Variants in GALNTL5 observed in about 807,000 individuals in gnomAD.
GALNTL5 encodes the protein polypeptide N-acetylgalactosaminyltransferase like 5, also known as inactive polypeptide N-acetylgalactosaminyltransferase-like protein 5.
In GALNTL5, 44 loss-of-function variants were observed where a neutral mutation model predicts 51.0. The ratio of observed to expected loss-of-function variants is 0.86; its 90% CI spans 0.68 to 1.11. The LOEUF (loss-of-function observed/expected upper bound fraction) is 1.11. Ranked by LOEUF, GALNTL5 falls within the 50% of genes least tolerant of loss-of-function variation. The probability of loss-of-function intolerance (pLI) is 0.00; values close to 1 mark genes in which losing one functional copy is unlikely to be tolerated. For missense variants in GALNTL5, 528 were observed against 531.8 expected (o/e 0.99, Z 0.07); for synonymous variants, 192 against 182.8 (o/e 1.05, Z -0.41).
chr7:152,004,189 A>C (rs1255052152), intron 6 of GALNTL5, among the ~76,000 whole-genome samples: 1 of 151,922 alleles, frequency 6.6e-6, no homozygotes, highest in African/African-American at 2.4e-5. Flanking sequence ...GGACTATCAC[A>C]TAATCATTAA....
At chr7:152,010,072 C>T (rs1460626103) in intron 7 of GALNTL5, among the ~76,000 whole-genome samples, 1 of 152,056 alleles carries the variant, frequency 6.6e-6, no homozygotes, top group Admixed American at 6.6e-5. Flanking sequence ...GTATGAAGCA[C>T]TGTGCTGGGT....
At chr7:152,017,049 A>G (rs960448083) in intron 8 of GALNTL5, among the ~76,000 whole-genome samples, 14 of 151,948 alleles carry the variant, frequency 9.2e-5, no homozygotes, top group Admixed American at 7.2e-4. Flanking sequence ...AAAAAAAAAA[A>G]AAAGAAAAGA....
rs965048569 is a variant in GALNTL5 at position 152,014,648 on chromosome 7, G to C, written c.1031G>C (p.Trp344Ser). 1.9e-6 allele frequency: 3 copies of C among 1,602,240 alleles called. No homozygotes were observed. Among genetic ancestry groups the C allele is most frequent in the Non-Finnish European group, 2.6e-6 (3 of 1,176,318 alleles). ...TTTTGTTCTTCTTATGCCTAGATCT[G>C]GATGTGTGGAGGCCAACTCTTTATA... Reference protein sequence around the residue: ...RENLELSLRIWMCGGQLFIIP... With the variant: ...RENLELSLRISMCGGQLFIIP... Residue 344 changes from tryptophan (W) to serine (S), a missense_variant, in exon 8 of 9, where the codon TGG (tryptophan) becomes TCG (serine). Coordinates refer to ENST00000392800, the MANE Select transcript of GALNTL5 (RefSeq NM_145292.4).
intron 3 of GALNTL5, among the ~76,000 whole-genome samples, chr7:151,972,185 T>G (rs1457713050): frequency 6.6e-6 from 1 of 152,230 alleles, no homozygotes; most frequent in Non-Finnish European, 1.5e-5. Context: ...GTAAAAATGC[T>G]GATAGTGATA....
chr7:152,012,536 A>G (rs1586855408), intron 7 of GALNTL5, among the ~76,000 whole-genome samples: 1 of 152,334 alleles, frequency 6.6e-6, no homozygotes, highest in East Asian at 1.9e-4. Flanking sequence ...CTACCATTTG[A>G]CCCAGCAATC....
At chr7:152,015,417 T>TGGC (rs2081796601) in intron 8 of GALNTL5, among the ~76,000 whole-genome samples, 1 of 150,138 alleles carries the variant, frequency 6.7e-6, no homozygotes, top group Non-Finnish European at 1.5e-5. Context: ...TGGAGTGCAG[T>TGGC]GGCGCGATCT....
chr7:151,987,482 G>A (rs183320576), intron 5 of GALNTL5, among the ~76,000 whole-genome samples: 38 of 152,262 alleles, frequency 2.5e-4, no homozygotes, highest in African/African-American at 8.7e-4. Flanking sequence ...GCTATTTTGG[G>A]TTGAAGATAT....
intron 1 of GALNTL5, among the ~76,000 whole-genome samples, chr7:151,966,323 A>G (rs1187305481): frequency 6.6e-6 from 1 of 150,402 alleles, no homozygotes; most frequent in Non-Finnish European, 1.5e-5. Context: ...GCTGGAGTGC[A>G]GTGGTGCGAT....
At chr7:151,979,349 C>T (rs1478894966) in intron 3 of GALNTL5, among the ~76,000 whole-genome samples, 2 of 149,826 alleles carry the variant, frequency 1.3e-5, no homozygotes, top group South Asian at 2.1e-4. Flanking sequence ...CTCCTGACCT[C>T]GTGATCTGCC....
At chr7:151,982,740 A>G in intron 3 of GALNTL5, 1 of 641,064 alleles carries the variant, frequency 1.6e-6, no homozygotes, top group East Asian at 3.5e-5. Flanking sequence ...TTATCAACAC[A>G]GTCTCAGGAA....
At chr7:151,984,803 T>C (rs553855476) in intron 4 of GALNTL5, among the ~76,000 whole-genome samples, 1 of 152,164 alleles carries the variant, frequency 6.6e-6, no homozygotes, top group South Asian at 2.1e-4. Flanking sequence ...ACCTGATGGA[T>C]TGTGGAATTC....
At chr7:152,001,787 C>T (rs940036444) in intron 5 of GALNTL5, among the ~76,000 whole-genome samples, 7 of 152,108 alleles carry the variant, frequency 4.6e-5, no homozygotes, top group African/African-American at 1.7e-4. Flanking sequence ...ATAGGGATTG[C>T]ACTAAATCTG....
chr7:151,980,777 G>T (rs553937385), intron 3 of GALNTL5, among the ~76,000 whole-genome samples: 1 of 108,412 alleles, frequency 9.2e-6, no homozygotes, highest in African/African-American at 4.0e-5. Flanking sequence ...ATGGAGTCTC[G>T]CTCTGTCGCC....
intron 5 of GALNTL5, among the ~76,000 whole-genome samples, chr7:152,000,019 C>G (rs2081551782): frequency 6.6e-6 from 1 of 152,158 alleles, no homozygotes; most frequent in Non-Finnish European, 1.5e-5. Context: ...GTGAGAGAGA[C>G]TTGATATGAA....
intron 1 of GALNTL5, among the ~76,000 whole-genome samples, chr7:151,961,631 G>A (rs374797226): frequency 8.5e-5 from 13 of 152,058 alleles, no homozygotes; most frequent in African/African-American, 3.1e-4. Flanking sequence ...TGGGTCGAAG[G>A]AGGACAGACG....
intron 3 of GALNTL5, among the ~76,000 whole-genome samples, chr7:151,980,807 G>GCA (rs2081271717): frequency 2.2e-5 from 3 of 134,522 alleles, no homozygotes; most frequent in African/African-American, 6.0e-5. Context: ...GTGCAGTGGC[G>GCA]GGATCTCGGC....
At chr7:151,970,837 C>G in intron 2 of GALNTL5, 108 bp from the exon 3 acceptor site, 1 of 902,544 alleles carries the variant, frequency 1.1e-6, no homozygotes, top group East Asian at 2.8e-5. Flanking sequence ...TTTCCGAATT[C>G]TATTCTGGTT....
intron 8 of GALNTL5, among the ~76,000 whole-genome samples, chr7:152,019,441 C>T (rs987398189): frequency 2.0e-5 from 3 of 152,174 alleles, no homozygotes; most frequent in African/African-American, 2.4e-5. Context: ...TGCCATGGCA[C>T]GTGCTGTGAA....
Position 151,987,219 on chromosome 7 carries a change from T to G in GALNTL5, c.596T>G (p.Ile199Arg). 1 of 1,599,136 alleles carries G rather than the reference T, an allele frequency of 6.3e-7. No individual in the cohort carries two copies. The highest frequency in any genetic ancestry group is 1.4e-5 in the African/African-American group (1 of 73,962). ...LETFRGKVKI[I>R]RNKKREGLIR... The stretch of plus-strand genomic sequence containing the variant: ...ACTTTTCGGGGAAAGGTTAAAATAA[T>G]AAGAAACAAAAAGAGAGAGGGGCTG... Residue 199 changes from isoleucine to arginine, a missense_variant, in exon 5 of 9, where the codon ATA becomes AGA. Coordinates refer to ENST00000392800, the MANE Select transcript of GALNTL5 (RefSeq NM_145292.4).
Sources: gnomAD v4.1 joint callset for allele counts (sites outside exome capture counted in the v4.1 genomes callset) on GRCh38, gnomAD v4.1.1 for gene constraint, MANE v1.5 for transcripts, NCBI Gene and HGNC (gene_info 2026-07-23, HGNC 2026-07-21) for gene names.